The following CTNNA2 variants were observed in gnomAD, a reference collection of about 807,000 sequenced individuals.
CTNNA2 encodes the protein catenin alpha-2.
A neutral mutation model predicts 101.0 loss-of-function variants in CTNNA2; 42 were observed. That is an observed-to-expected ratio of 0.42 (90% CI 0.32 to 0.54). The LOEUF is 0.54. CTNNA2 is among the 20% of genes least tolerant of loss of function. The pLI, the probability that CTNNA2 is intolerant of heterozygous loss-of-function variation, is 0.14. For missense variants in CTNNA2, 871 were observed against 1,223.1 expected (o/e 0.71, Z 4.29); for synonymous variants, 450 against 456.4 (o/e 0.99, Z 0.18).
intron 9 of CTNNA2, among the ~76,000 whole-genome samples, chr2:80,517,472 C>G (rs546709394): frequency 6.6e-6 from 1 of 152,276 alleles, no homozygotes; most frequent in South Asian, 2.1e-4. Context: ...CCCTGGGGCC[C>G]AGCTGTGCAC....
At chr2:79,209,891 C>G (rs368156078) in intron 2 of CTNNA2, among the ~76,000 whole-genome samples, 3 of 152,060 alleles carry the variant, frequency 2.0e-5, no homozygotes, top group African/African-American at 7.2e-5. Flanking sequence ...TATTAAAATG[C>G]CCTACCTAGC....
At chr2:80,296,720 A>T (rs58600095) in intron 7 of CTNNA2, among the ~76,000 whole-genome samples, 1,658 of 152,262 alleles carry the variant, frequency 0.011, 26 homozygotes, top group African/African-American at 0.036. Context: ...AGCACTCTTG[A>T]CATTTTAGGT....
In CTNNA2 at chr2:79,960,232, C is replaced by T. The variant is rs538229586; in HGVS notation, c.1056+50435C>T. Among the ~76,000 whole-genome samples, 31 of 152,306 alleles carry T rather than the reference C, an allele frequency of 2.0e-4. 1 individual carries two copies. The South Asian group carries it at 6.2e-3, about 31-fold the overall frequency. ...GGGGAAAGATTGTCTTGCAATTCTG[C>T]TGACTCAACTGTAAAGTTACAATGA... On this transcript the variant is annotated intron_variant, in intron 7 of 18. Coordinates refer to ENST00000402739, the MANE Select transcript of CTNNA2 (RefSeq NM_001282597.3).
At chr2:79,310,265 A>C (rs1442250023) in intron 2 of CTNNA2, among the ~76,000 whole-genome samples, 1 of 152,236 alleles carries the variant, frequency 6.6e-6, no homozygotes, top group Non-Finnish European at 1.5e-5. Flanking sequence ...ATAATAAAAT[A>C]TTTGGTATAT....
chr2:80,438,915 T>C (rs896661508), intron 9 of CTNNA2, among the ~76,000 whole-genome samples: 22 of 152,214 alleles, frequency 1.4e-4, no homozygotes, highest in Non-Finnish European at 1.5e-4. Flanking sequence ...ACCACTCCTT[T>C]TTATGCTCTG....
At chr2:79,879,774 T>C (rs1269867579) in intron 6 of CTNNA2, among the ~76,000 whole-genome samples, 2 of 152,106 alleles carry the variant, frequency 1.3e-5, no homozygotes, top group East Asian at 3.8e-4. Context: ...ACAGAGAAAA[T>C]TTGACTTCCT....
chr2:80,473,864 T>G (rs1356516064), intron 9 of CTNNA2, among the ~76,000 whole-genome samples: 1 of 152,216 alleles, frequency 6.6e-6, no homozygotes, highest in Non-Finnish European at 1.5e-5. Flanking sequence ...TTTGTCTTTG[T>G]GTAGTTTCTG....
At chr2:80,449,213 G>A (rs1410457720) in intron 9 of CTNNA2, among the ~76,000 whole-genome samples, 3 of 151,972 alleles carry the variant, frequency 2.0e-5, no homozygotes, top group Non-Finnish European at 4.4e-5. Flanking sequence ...AGAGTTTGAG[G>A]TTGTAGTGAG....
chr2:79,601,632 G>A (rs566483572), intron 1 of CTNNA2, among the ~76,000 whole-genome samples: 7 of 152,216 alleles, frequency 4.6e-5, no homozygotes, highest in Non-Finnish European at 1.0e-4. Flanking sequence ...AATATTCACT[G>A]CATGATAAAC....
intron 6 of CTNNA2, among the ~76,000 whole-genome samples, chr2:79,887,368 G>A (rs562408875): frequency 6.6e-6 from 1 of 152,102 alleles, no homozygotes; most frequent in Non-Finnish European, 1.5e-5. Context: ...TGTCATGTAA[G>A]CTTTAGCTAA....
rs75828810 is a variant in CTNNA2, at chr2:79,708,811, A to G, written c.103-35576A>G. 4.5e-3 allele frequency among the ~76,000 whole-genome samples: 691 copies of G among 152,328 alleles called. 7 individuals carry two copies. Among genetic ancestry groups the G allele is most frequent in the African/African-American group, 0.016 (662 of 41,572 alleles). ...TTCATCTTGATCAAAATATATTGAC[A>G]TACAAGGACTATGGCTTTAGATCTG... On this transcript the variant is annotated intron_variant, in intron 2 of 18. Coordinates refer to ENST00000402739, the MANE Select transcript of CTNNA2 (RefSeq NM_001282597.3).
At chr2:80,416,042 T>C (rs1002019707) in intron 8 of CTNNA2, among the ~76,000 whole-genome samples, 6 of 152,016 alleles carry the variant, frequency 3.9e-5, no homozygotes, top group African/African-American at 1.2e-4. Context: ...CAGTGGTTGC[T>C]AGGGGCTGGA....
chr2:80,261,560 T>G (rs1355096546), intron 7 of CTNNA2, among the ~76,000 whole-genome samples: 2 of 152,130 alleles, frequency 1.3e-5, no homozygotes, highest in African/African-American at 4.8e-5. Context: ...ATAAAAAATG[T>G]CGCTGAAATG....
intron 7 of CTNNA2, among the ~76,000 whole-genome samples, chr2:80,118,406 A>G (rs945859175): frequency 1.3e-5 from 2 of 152,230 alleles, no homozygotes; most frequent in Non-Finnish European, 2.9e-5. Context: ...CTGCCTTTCC[A>G]AATAGCAGAA....
At chr2:79,705,151 G>C (rs956243692) in intron 2 of CTNNA2, among the ~76,000 whole-genome samples, 2 of 152,100 alleles carry the variant, frequency 1.3e-5, no homozygotes, top group Non-Finnish European at 2.9e-5. Context: ...CCCACAAACA[G>C]AGTTATCTGA....
intron 3 of CTNNA2, among the ~76,000 whole-genome samples, chr2:79,331,446 T>C (rs1676870595): frequency 6.6e-6 from 1 of 152,192 alleles, no homozygotes; most frequent in African/African-American, 2.4e-5. Context: ...TTAATTGCTC[T>C]ACTTTAAGTC....
intron 2 of CTNNA2, among the ~76,000 whole-genome samples, chr2:79,721,002 G>T (rs1042791175): frequency 2.6e-5 from 4 of 151,466 alleles, no homozygotes; most frequent in Admixed American, 6.6e-5. Flanking sequence ...ATTAATATGG[G>T]GTTTAAGAGC....
chr2:80,079,865 A>G (rs61138683), intron 7 of CTNNA2, among the ~76,000 whole-genome samples: 8,258 of 112,966 alleles, frequency 0.073, 253 homozygotes, highest in East Asian at 0.099. Context: ...AATAAAATAA[A>G]ATAAAATAAA....
intron 3 of CTNNA2, among the ~76,000 whole-genome samples, chr2:79,786,960 C>G (rs1332596544): frequency 2.6e-5 from 4 of 152,082 alleles, no homozygotes; most frequent in African/African-American, 9.7e-5. Context: ...CAGATCCAAT[C>G]CCTGCCTTGG....
Sources: gnomAD v4.1 joint callset for allele counts (sites outside exome capture counted in the v4.1 genomes callset) on GRCh38, gnomAD v4.1.1 for gene constraint, MANE v1.5 for transcripts, NCBI Gene and HGNC (gene_info 2026-07-23, HGNC 2026-07-21) for gene names.